Variants in CCDC68 observed in about 807,000 individuals in gnomAD.
CCDC68 encodes the protein coiled-coil domain containing 68.
CCDC68 carries 45 observed loss-of-function variants against 47.1 expected under a neutral mutation model. The observed-to-expected ratio is 0.96, with a 90% CI of 0.75 to 1.23. The LOEUF (loss-of-function observed/expected upper bound fraction) is 1.23, where lower values mean the gene tolerates loss of function less well. Ranked by LOEUF, CCDC68 falls within the 50% of genes most tolerant of loss-of-function variation. The probability of loss-of-function intolerance (pLI) is 0.00; values close to 1 mark genes in which losing one functional copy is unlikely to be tolerated. For missense variants in CCDC68, 353 were observed against 373.6 expected (o/e 0.94, Z 0.45); for synonymous variants, 131 against 129.5 (o/e 1.01, Z -0.08).
At chr18:54,942,824 G>A in intron 2 of CCDC68, 21 bp from the exon 3 acceptor site, 1 of 1,317,120 alleles carries the variant, frequency 7.6e-7, no homozygotes, top group Non-Finnish European at 1.1e-6. Flanking sequence ...ACATAAATCA[G>A]CTAAGCAAAA....
At position 54,942,733 on chromosome 18, in the gene CCDC68, G is replaced by A. The variant is rs776442174; in HGVS notation, c.59C>T (p.Ser20Phe). 3.1e-6 allele frequency: 5 copies of A among 1,612,522 alleles called. No homozygotes were observed. In the African/African-American group the frequency reaches 4.0e-5, roughly 13 times the overall value. ...IPPRDKMEDN[S>F]ALYESTSAHI... Reference sequence around the variant, plus strand: ...AGCGGACGTAGACTCATACAAGGCAGAATTATCTTCCATCTTATCCCTTGG... The same window carrying A: ...AGCGGACGTAGACTCATACAAGGCAAAATTATCTTCCATCTTATCCCTTGG... The change falls in exon 3 of 12, where the codon TCT becomes TTT. Residue 20 changes from serine (S) to phenylalanine (F), a missense_variant. By Grantham distance (155) the Ser-to-Phe change is radical (BLOSUM62 -2). Transcript: ENST00000591504.
In CCDC68 at chr18:54,954,059, T is replaced by TCTG. The variant is rs111553154; in HGVS notation, c.-103+5276_-103+5277insCAG. On this transcript the variant is annotated intron_variant, in intron 1 of 11. Transcript: ENST00000591504. ...TCCTTCCTTTCTTTCTTTCTTTCTT[T>TCTG]TTTTTTTTTTGTTTCAGACATAGTC... Among the ~76,000 whole-genome samples, 12 of 143,414 alleles carry TCTG rather than the reference T, an allele frequency of 8.4e-5. 1 individual carries two copies. Among genetic ancestry groups the TCTG allele is most frequent in the African/African-American group, 2.3e-4 (9 of 38,402 alleles). The allele number at this position is 143,414 out of a possible 152,430, so 94.1% of individuals were successfully genotyped here. A position where few individuals can be genotyped will look rare whatever the true frequency, so the allele number is the denominator to read the frequency against.
intron 8 of CCDC68, 59 bp downstream of exon 8, chr18:54,928,741 T>G: frequency 9.5e-7 from 1 of 1,052,586 alleles, no homozygotes; most frequent in Non-Finnish European, 1.5e-6. Flanking sequence ...CTGGCTGGCA[T>G]ACCAGTGGAC....
intron 11 of CCDC68, among the ~76,000 whole-genome samples, chr18:54,905,337 G>A (rs79788782): frequency 0.018 from 2,459 of 136,732 alleles, 80 homozygotes; most frequent in African/African-American, 0.064. Flanking sequence ...GAAGGGCAGA[G>A]AGTGGGAAGG....
chr18:54,918,280 GC>G (rs1203549576), intron 9 of CCDC68, among the ~76,000 whole-genome samples: 1 of 152,170 alleles, frequency 6.6e-6, no homozygotes, highest in African/African-American at 2.4e-5. Flanking sequence ...AGCACTGGCC[GC>G]CCTTCTGCAT....
intron 1 of CCDC68, among the ~76,000 whole-genome samples, chr18:54,952,102 A>G (rs1246217768): frequency 1.3e-5 from 2 of 152,232 alleles, no homozygotes; most frequent in Non-Finnish European, 2.9e-5. Context: ...GAAAGTGTCA[A>G]TTCCCAAGCT....
intron 2 of CCDC68, 78 bp downstream of exon 2, chr18:54,945,310 G>A (rs1261959664): frequency 1.3e-5 from 2 of 152,000 alleles, no homozygotes; most frequent in East Asian, 3.9e-4. Flanking sequence ...ATAATAAAAA[G>A]CCCTGTGAGG....
chr18:54,910,372 T>C (rs2145371146), intron 10 of CCDC68, among the ~76,000 whole-genome samples: 1 of 152,304 alleles, frequency 6.6e-6, no homozygotes, highest in East Asian at 1.9e-4. Flanking sequence ...TGGGTAGCTC[T>C]TCTCTGCAGC....
rs1051552750 is a variant in CCDC68 at position 54,903,491 on chromosome 18, A to T, written c.*867T>A. ...TTTCTGGCTGCAGACAGCAGTCATT[A>T]TTCCTTTGAGCCTATAATATATACA... On this transcript the variant is annotated 3_prime_UTR_variant, in exon 12 of 12. Transcript: ENST00000591504. The T allele has an allele frequency of 6.6e-6, 1 of 152,202 alleles. No homozygotes were observed. The highest frequency in any genetic ancestry group is 2.4e-5 in the African/African-American group (1 of 41,458). 9.4% of individuals were successfully genotyped at this position (152,202 alleles called of 1,614,324 possible). A position where few individuals can be genotyped will look rare whatever the true frequency, so the allele number is the denominator to read the frequency against.
intron 7 of CCDC68, among the ~76,000 whole-genome samples, chr18:54,933,633 A>G (rs2044299792): frequency 6.6e-6 from 1 of 152,226 alleles, no homozygotes; most frequent in South Asian, 2.1e-4. Flanking sequence ...ATACAACCAA[A>G]TATTACAGTT....
rs2044455330 is a variant in CCDC68, at chr18:54,942,547, G to A, written c.117+128C>T. The A allele has an allele frequency of 5.0e-6, 3 of 595,242 alleles. No homozygotes were observed. In the Admixed American group the frequency reaches 9.9e-5, roughly 20 times the overall value. The allele number at this position is 595,242 out of a possible 1,614,324, so 36.9% of individuals were successfully genotyped here. On this transcript the variant is annotated intron_variant, in intron 3 of 11. Transcript: ENST00000591504. The stretch of plus-strand genomic sequence containing the variant: ...GGTTTAAACTTCAGCTAGGAAGACT[G>A]TCCTTTGCCAAACTAGGGTTGTTCC...
chr18:54,912,896 T>C (rs1016159881), intron 10 of CCDC68, among the ~76,000 whole-genome samples: 11 of 152,156 alleles, frequency 7.2e-5, no homozygotes, highest in Non-Finnish European at 1.5e-4. Context: ...TCATGAGACT[T>C]ATTCACTACC....
chr18:54,942,503 A>T (rs2044454861), intron 3 of CCDC68, among the ~76,000 whole-genome samples, 172 bp downstream of exon 3: 1 of 152,210 alleles, frequency 6.6e-6, no homozygotes, highest in South Asian at 2.1e-4. Flanking sequence ...CGTATCCTCA[A>T]GAGAAATGAC....
chr18:54,938,146 A>T, intron 4 of CCDC68, 49 bp from the exon 5 acceptor site: 1 of 1,553,872 alleles, frequency 6.4e-7, no homozygotes, highest in South Asian at 1.3e-5. Flanking sequence ...TTTCCTCTAC[A>T]AACTTTGACA....
At chr18:54,949,007 T>G (rs2044571057) in intron 1 of CCDC68, among the ~76,000 whole-genome samples, 1 of 152,214 alleles carries the variant, frequency 6.6e-6, no homozygotes, top group African/African-American at 2.4e-5. Flanking sequence ...TTGTTTGTTT[T>G]TTGAGACAAG....
At position 54,917,995 on chromosome 18, in the gene CCDC68, A is replaced by G. The variant is rs146027895; in HGVS notation, c.791T>C (p.Met264Thr). The G allele has an allele frequency of 3.8e-5, 52 of 1,365,082 alleles. No homozygotes were observed. The highest frequency in any genetic ancestry group is 5.3e-5 in the Non-Finnish European group (51 of 970,532). The allele number at this position is 1,365,082 out of a possible 1,614,324, so 84.6% of individuals were successfully genotyped here. Reference protein sequence around the residue: ...HQNLRSVIQEMEGLKNNLKEQ... With the variant: ...HQNLRSVIQETEGLKNNLKEQ... ...TTTTAAATTATTTTTTAATCCTTCC[A>G]TCTAAGAATTAGAAAACACAATAGG... The change falls in exon 10 of 12, where the codon ATG (methionine) becomes ACG (threonine). Residue 264 changes from methionine to threonine, a missense_variant and splice_region_variant. Transcript: ENST00000591504.
intron 7 of CCDC68, among the ~76,000 whole-genome samples, chr18:54,931,702 C>T (rs1413770551): frequency 6.6e-6 from 1 of 152,116 alleles, no homozygotes; most frequent in Admixed American, 6.5e-5. Flanking sequence ...TGCTAGCAAA[C>T]GGAACATATG....
rs376585080 is a variant in CCDC68 at position 54,918,535 on chromosome 18, A to C, written c.790-539T>G. 3.4e-4 allele frequency among the ~76,000 whole-genome samples: 52 copies of C among 152,298 alleles called. 1 individual carries two copies. Among genetic ancestry groups the C allele is most frequent in the African/African-American group, 1.2e-3 (50 of 41,562 alleles). ...ACTTTGGCACCACTAGCTGTCATTA[A>C]ACTGCTCTATAAAAAGAGGGTGTGG... On this transcript the variant is annotated intron_variant, in intron 9 of 11. Coordinates refer to ENST00000591504, the MANE Select transcript of CCDC68 (RefSeq NM_025214.3).
At chr18:54,907,643 GT>G (rs1490189981) in intron 11 of CCDC68, 142 bp downstream of exon 11, 1 of 601,742 alleles carries the variant, frequency 1.7e-6, no homozygotes, top group African/African-American at 1.8e-5. Context: ...GATTAACACA[GT>G]TCTGAATAGA....
Sources: allele counts gnomAD v4.1 joint callset (sites outside exome capture counted in the v4.1 genomes callset), GRCh38; gene constraint gnomAD v4.1.1; transcripts MANE v1.5; gene names NCBI Gene and HGNC (gene_info 2026-07-23, HGNC 2026-07-21).